The following SCUBE1 variants were observed in gnomAD, a reference collection of about 807,000 sequenced individuals.
SCUBE1 encodes signal peptide, CUB domain and EGF like domain containing 1, also known as signal peptide, CUB and EGF-like domain-containing protein 1.
A neutral mutation model predicts 124.4 loss-of-function variants in SCUBE1; 59 were observed. The observed-to-expected ratio is 0.47, with a 90% CI of 0.38 to 0.59. The LOEUF is 0.59. Ranked by LOEUF, SCUBE1 falls within the 20% of genes least tolerant of loss-of-function variation. The probability of loss-of-function intolerance (pLI) is 0.00; values close to 1 mark genes in which losing one functional copy is unlikely to be tolerated. For synonymous variants in SCUBE1, 545 were observed against 550.9 expected (o/e 0.99, Z 0.15); for missense variants, 1,150 against 1,371.2 (o/e 0.84, Z 2.55).
At chr22:43,254,603 C>A (rs1923586769) in intron 6 of SCUBE1, among the ~76,000 whole-genome samples, 2 of 152,184 alleles carry the variant, frequency 1.3e-5, no homozygotes, top group Non-Finnish European at 2.9e-5. Context: ...CCCCAGAGAA[C>A]CTTAGCCTCT....
At chr22:43,243,698 G>A (rs771779233) in intron 6 of SCUBE1, among the ~76,000 whole-genome samples, 3 of 152,304 alleles carry the variant, frequency 2.0e-5, no homozygotes, top group South Asian at 2.1e-4. Context: ...TCCACATGCC[G>A]GCTGTGTGAC....
In SCUBE1 at chr22:43,203,212, G is replaced by T. The variant is rs1921076430; in HGVS notation, c.*785C>A. 6.6e-6 allele frequency: 1 copy of T among 152,142 alleles called. No individual in the cohort carries two copies. Among genetic ancestry groups the T allele is most frequent in the Non-Finnish European group, 1.5e-5 (1 of 68,038 alleles). The allele number at this position is 152,142 out of a possible 1,614,324, so 9.4% of individuals were successfully genotyped here. ...CTGCCGGCCTCACAGAAACAGAAGGGCAAATGCAAATGCTGGGAGGAGCTG... is the reference window on the plus strand; with the variant it reads ...CTGCCGGCCTCACAGAAACAGAAGGTCAAATGCAAATGCTGGGAGGAGCTG... On this transcript the variant is annotated 3_prime_UTR_variant, in exon 22 of 22. Coordinates refer to ENST00000360835, the MANE Select transcript of SCUBE1 (RefSeq NM_173050.5).
intron 8 of SCUBE1, among the ~76,000 whole-genome samples, chr22:43,231,121 G>T (rs1349513797): frequency 2.0e-5 from 3 of 152,148 alleles, no homozygotes; most frequent in African/African-American, 7.2e-5. Context: ...GTTCCTTGTG[G>T]TCCCCTAAAC....
chr22:43,279,048 C>G (rs763858733), intron 4 of SCUBE1, among the ~76,000 whole-genome samples: 1 of 152,100 alleles, frequency 6.6e-6, no homozygotes. Flanking sequence ...AGAGGAAGCT[C>G]GAGGACCAGC....
chr22:43,339,316 T>A, intron 1 of SCUBE1, 81 bp from the exon 2 acceptor site: 1 of 1,414,722 alleles, frequency 7.1e-7, no homozygotes, highest in Non-Finnish European at 9.7e-7. Context: ...CAGGGGGAGC[T>A]CTTGCCTTTG....
chr22:43,247,677 G>A (rs1923270352), intron 6 of SCUBE1, among the ~76,000 whole-genome samples: 1 of 152,244 alleles, frequency 6.6e-6, no homozygotes, highest in Admixed American at 6.5e-5. Context: ...CTAGAGAGAG[G>A]CAAGGGTGGC....
chr22:43,305,959 G>A (rs1408044836), intron 3 of SCUBE1, among the ~76,000 whole-genome samples: 1 of 152,216 alleles, frequency 6.6e-6, no homozygotes, highest in Non-Finnish European at 1.5e-5. Flanking sequence ...GGGATGAGGT[G>A]GGTGACAGGG....
intron 3 of SCUBE1, among the ~76,000 whole-genome samples, chr22:43,313,769 A>G (rs1171325618): frequency 6.6e-6 from 1 of 152,254 alleles, no homozygotes; most frequent in African/African-American, 2.4e-5. Context: ...AGTCACAGGC[A>G]GGCCATCTCC....
intron 4 of SCUBE1, among the ~76,000 whole-genome samples, chr22:43,281,488 GGCCACCCTCCTGTCACCTCCTCCTCA>G (rs1478538697): frequency 0.011 from 786 of 72,320 alleles, 16 homozygotes; most frequent in Middle Eastern, 0.021. Context: ...CTCCCTCTTT[GGCCACCCTCCTGTCACCTCCTCCTCA>G]GCCACCCTCC....
chr22:43,343,126 G>T, intron 1 of SCUBE1, 48 bp downstream of exon 1: 1 of 998,070 alleles, frequency 1.0e-6, no homozygotes, highest in Non-Finnish European at 1.2e-6. Flanking sequence ...CGCCTCGGCC[G>T]CCCGAGCCCC....
intron 4 of SCUBE1, among the ~76,000 whole-genome samples, chr22:43,276,668 C>T (rs572038607): frequency 3.6e-4 from 55 of 152,342 alleles, no homozygotes; most frequent in African/African-American, 1.3e-3. Context: ...ACTTTCCATG[C>T]GTAGGGCCTG....
At chr22:43,232,178 C>T (rs535827285) in intron 7 of SCUBE1, 152 of 338,484 alleles carry the variant, frequency 4.5e-4, no homozygotes, top group African/African-American at 2.7e-3. Flanking sequence ...CTGCTGTGCC[C>T]GGCAAGAAAG....
rs1296853240 is a variant in SCUBE1, at chr22:43,281,482, C to T, written c.484+9564G>A. ...CCTCAGCCACCCTCCTGTCACCTCC[C>T]TCTTTGGCCACCCTCCTGTCACCTC... On this transcript the variant is annotated intron_variant, in intron 4 of 21. Coordinates refer to ENST00000360835, the MANE Select transcript of SCUBE1 (RefSeq NM_173050.5). Among the ~76,000 whole-genome samples the T allele has an allele frequency of 4.3e-5, 4 of 93,926 alleles. 1 individual carries two copies. Among genetic ancestry groups the T allele is most frequent in the Non-Finnish European group, 7.5e-5 (4 of 53,428 alleles). 61.6% of individuals were successfully genotyped at this position (93,926 alleles called of 152,430 possible). A position where few individuals can be genotyped will look rare whatever the true frequency, so the allele number is the denominator to read the frequency against.
At position 43,343,289 on chromosome 22, in the gene SCUBE1, G is replaced by A. The variant is rs543158357; in HGVS notation, c.-28C>T. 5.3e-5 allele frequency: 56 copies of A among 1,064,098 alleles called. No individual in the cohort carries two copies. In the South Asian group the frequency reaches 8.0e-4, roughly 15 times the overall value. The allele number at this position is 1,064,098 out of a possible 1,614,324, so 65.9% of individuals were successfully genotyped here. A position where few individuals can be genotyped will look rare whatever the true frequency, so the allele number is the denominator to read the frequency against. ...TCAATGCGGGCCCCGCTGGGCGTGCGGGCGTGCGGGGCGCGGGGACCCGAC... is the reference window on the plus strand; with the variant it reads ...TCAATGCGGGCCCCGCTGGGCGTGCAGGCGTGCGGGGCGCGGGGACCCGAC... On this transcript the variant is annotated 5_prime_UTR_variant, in exon 1 of 22. Transcript: ENST00000360835.
intron 6 of SCUBE1, among the ~76,000 whole-genome samples, chr22:43,257,672 A>G (rs1923711650): frequency 6.6e-6 from 1 of 152,172 alleles, no homozygotes; most frequent in Non-Finnish European, 1.5e-5. Context: ...ACACCCACGC[A>G]GGGCCCACAC....
chr22:43,242,760 G>A (rs1923057940), intron 6 of SCUBE1, among the ~76,000 whole-genome samples: 1 of 152,192 alleles, frequency 6.6e-6, no homozygotes, highest in African/African-American at 2.4e-5. Context: ...CCAGCCTGTA[G>A]ACAAAAGCTA....
At chr22:43,262,290 T>G (rs182116326) in intron 5 of SCUBE1, among the ~76,000 whole-genome samples, 2 of 152,206 alleles carry the variant, frequency 1.3e-5, no homozygotes, top group Admixed American at 1.3e-4. Flanking sequence ...AGTTCTGATC[T>G]TTGGTCCCGG....
chr22:43,283,273 GAGAGGGTCATGATTTGAACCC>G (rs1297929079), intron 4 of SCUBE1: 1 of 152,212 alleles, frequency 6.6e-6, no homozygotes. Flanking sequence ...ACAGCCGTGG[GAGAGGGTCATGATTTGAACCC>G]AGACCACTGG....
chr22:43,265,034 G>A (rs1243076762), intron 4 of SCUBE1, among the ~76,000 whole-genome samples: 1 of 152,190 alleles, frequency 6.6e-6, no homozygotes, highest in South Asian at 2.1e-4. Context: ...TTTGGCAAAG[G>A]CTTATAGATG....
Sources: gnomAD v4.1 joint callset for allele counts (sites outside exome capture counted in the v4.1 genomes callset) on GRCh38, gnomAD v4.1.1 for gene constraint, MANE v1.5 for transcripts, NCBI Gene and HGNC (gene_info 2026-07-23, HGNC 2026-07-21) for gene names.